ISX: variants seen among roughly 807,000 people sequenced by gnomAD.
The protein encoded by ISX is intestine-specific homeobox.
Under a neutral mutation model 16.9 loss-of-function variants are expected in ISX, and 15 were observed. The ratio of observed to expected loss-of-function variants is 0.89; its 90% CI spans 0.59 to 1.36. The LOEUF is 1.36. Among genes scored for constraint, ISX ranks in the 40% most tolerant of loss-of-function variants. The pLI, the probability that ISX is intolerant of heterozygous loss-of-function variation, is 0.00. For missense variants in ISX, 316 were observed against 306.1 expected, an observed-to-expected ratio of 1.03 and a Z score of -0.24; for synonymous variants, 125 against 119.7, an observed-to-expected ratio of 1.04 and a Z score of -0.29.
At chr22:35,077,253 C>A (rs1322693773) in intron 2 of ISX, among the ~76,000 whole-genome samples, 1 of 152,176 alleles carries the variant, frequency 6.6e-6, no homozygotes, top group African/African-American at 2.4e-5. Context: ...TGCTGAACTG[C>A]ATTCTACCTT....
chr22:35,077,360 C>T (rs573991644), intron 2 of ISX, among the ~76,000 whole-genome samples: 1 of 152,292 alleles, frequency 6.6e-6, no homozygotes, highest in East Asian at 1.9e-4. Context: ...GCTTTCCTGG[C>T]AACCCCTCAC....
At chr22:35,067,904 A>G (rs1349817168) in intron 2 of ISX, among the ~76,000 whole-genome samples, 1 of 152,176 alleles carries the variant, frequency 6.6e-6, no homozygotes, top group Non-Finnish European at 1.5e-5. Context: ...ACCTTCCCCA[A>G]GCCAGTGGCC....
In ISX at chr22:35,078,168, AT is replaced by A. The variant is rs5845208; in HGVS notation, c.230-4336del. Among the ~76,000 whole-genome samples the A allele has an allele frequency of 3.0e-3, 440 of 145,498 alleles. 2 individuals carry two copies. Among genetic ancestry groups the A allele is most frequent in the Admixed American group, 4.2e-3 (61 of 14,688 alleles). ...TCAACCTGGAATCTTCCCTTTTGTA[AT>A]TTTTTTTTTTTTTGCAGCTTCCTAC... On this transcript the variant is annotated intron_variant, in intron 2 of 4. Coordinates refer to ENST00000404699, the MANE Select transcript of ISX (RefSeq NM_001303508.2).
intron 2 of ISX, among the ~76,000 whole-genome samples, chr22:35,068,699 C>T (rs1276043400): frequency 3.9e-5 from 6 of 152,156 alleles, no homozygotes; most frequent in Non-Finnish European, 8.8e-5. Context: ...TAGGCCTCCA[C>T]GGAAGATTCT....
At chr22:35,079,596 A>G (rs1929074563) in intron 2 of ISX, among the ~76,000 whole-genome samples, 1 of 152,134 alleles carries the variant, frequency 6.6e-6, no homozygotes, top group Non-Finnish European at 1.5e-5. Flanking sequence ...GGAGGCTTAG[A>G]GTTCTCTGAG....
At chr22:35,079,569 C>T (rs1031236985) in intron 2 of ISX, among the ~76,000 whole-genome samples, 12 of 152,168 alleles carry the variant, frequency 7.9e-5, no homozygotes, top group African/African-American at 1.9e-4. Flanking sequence ...AGCAGACATA[C>T]GAGGCTCCCT....
Position 35,066,996 on chromosome 22 carries a change from C to T in ISX, c.-92C>T. On this transcript the variant is annotated 5_prime_UTR_variant, in exon 2 of 5. Transcript: ENST00000404699. ...GCTCTCTGTTCTTCACCTCCACGCG[C>T]CCTCTTGACCCCAGGAGGTTCAGGG... 1 of 875,162 alleles carries T rather than the reference C, an allele frequency of 1.1e-6. No individual in the cohort carries two copies. The highest frequency in any genetic ancestry group is 1.8e-6 in the Non-Finnish European group (1 of 556,258). The allele number at this position is 875,162 out of a possible 1,614,324, so 54.2% of individuals were successfully genotyped here. A position where few individuals can be genotyped will look rare whatever the true frequency, so the allele number is the denominator to read the frequency against.
chr22:35,080,529 C>T (rs997989917), intron 2 of ISX, among the ~76,000 whole-genome samples: 1 of 152,178 alleles, frequency 6.6e-6, no homozygotes, highest in African/African-American at 2.4e-5. Flanking sequence ...TCAATCTCAC[C>T]TGACAGCCTC....
At position 35,085,516 on chromosome 22, in the gene ISX, G is replaced by A. The variant is rs202084562; in HGVS notation, c.561G>A (p.Ser187=). Residue 187 remains serine (S), a synonymous_variant, in exon 5 of 5, where the codon TCG becomes TCA. Coordinates refer to ENST00000404699, the MANE Select transcript of ISX (RefSeq NM_001303508.2). ...RLAPPTSCCP[S]AQDQLASAWF... ...CTCCTCCCACGAGCTGTTGTCCATC[G>A]GCTCAAGATCAGCTGGCCTCTGCCT... 78 of 1,614,152 alleles carry A rather than the reference G, an allele frequency of 4.8e-5. 1 individual carries two copies. Among genetic ancestry groups the A allele is most frequent in the South Asian group, 3.2e-4 (29 of 91,090 alleles).
At chr22:35,082,419 G>A in intron 2 of ISX, 99 bp from the exon 3 acceptor site, 1 of 1,159,544 alleles carries the variant, frequency 8.6e-7, no homozygotes, top group Admixed American at 2.0e-5. Flanking sequence ...AGGCTCGGGA[G>A]CAGCAGTGGG....
At position 35,079,091 on chromosome 22, in the gene ISX, G is replaced by A. The variant is rs543043307; in HGVS notation, c.230-3427G>A. ...TCTACTATCCAATGACAGCAGGATC[G>A]ATCATAAGCACCAAGAAAGAAAACA... On this transcript the variant is annotated intron_variant, in intron 2 of 4. Transcript: ENST00000404699. 6.0e-4 allele frequency among the ~76,000 whole-genome samples: 92 copies of A among 152,306 alleles called. 1 individual carries two copies. Among genetic ancestry groups the A allele is most frequent in the Admixed American group, 2.0e-3 (31 of 15,304 alleles).
intron 2 of ISX, among the ~76,000 whole-genome samples, chr22:35,080,968 C>T (rs980783918): frequency 1.3e-5 from 2 of 152,200 alleles, no homozygotes; most frequent in African/African-American, 2.4e-5. Flanking sequence ...CAATCAAGGA[C>T]CGAGCCTTCA....
At chr22:35,071,121 A>T (rs959530670) in intron 2 of ISX, among the ~76,000 whole-genome samples, 1 of 152,028 alleles carries the variant, frequency 6.6e-6, no homozygotes, top group Non-Finnish European at 1.5e-5. Context: ...ACCTCCCATC[A>T]CACCCTCCCC....
intron 3 of ISX, among the ~76,000 whole-genome samples, 176 bp from the exon 4 acceptor site, chr22:35,084,207 C>A (rs1038961067): frequency 6.6e-6 from 1 of 152,264 alleles, no homozygotes; most frequent in African/African-American, 2.4e-5. Context: ...AAGGTGGAAA[C>A]CCCGGTTCCC....
At chr22:35,082,337 G>A (rs998644991) in intron 2 of ISX, among the ~76,000 whole-genome samples, 181 bp from the exon 3 acceptor site, 4 of 152,190 alleles carry the variant, frequency 2.6e-5, no homozygotes, top group African/African-American at 9.7e-5. Flanking sequence ...GGTGGGTGAG[G>A]GTCGGTCTAG....
intron 2 of ISX, among the ~76,000 whole-genome samples, chr22:35,068,516 C>G (rs1172663841): frequency 1.3e-5 from 2 of 152,212 alleles, no homozygotes; most frequent in African/African-American, 4.8e-5. Context: ...ATCTTCCAGT[C>G]CATTAAAGAT....
intron 3 of ISX, 36 bp downstream of exon 3, chr22:35,082,705 G>T: frequency 6.2e-7 from 1 of 1,610,594 alleles, no homozygotes; most frequent in Non-Finnish European, 8.5e-7. Context: ...CAGCCTCCAT[G>T]CCCTTGGGAC....
intron 2 of ISX, among the ~76,000 whole-genome samples, chr22:35,081,226 T>C (rs376860113): frequency 3.3e-5 from 5 of 152,178 alleles, no homozygotes; most frequent in East Asian, 3.8e-4. Context: ...ACCGAGGTGA[T>C]TGTCTTAGAA....
intron 2 of ISX, among the ~76,000 whole-genome samples, chr22:35,077,130 A>G (rs1195714381): frequency 2.0e-5 from 3 of 152,170 alleles, no homozygotes; most frequent in Non-Finnish European, 4.4e-5. Flanking sequence ...GGGACCCAGA[A>G]CACCCTGGTT....
Sources: allele counts gnomAD v4.1 joint callset (sites outside exome capture counted in the v4.1 genomes callset), GRCh38; gene constraint gnomAD v4.1.1; transcripts MANE v1.5; gene names NCBI Gene and HGNC (gene_info 2026-07-23, HGNC 2026-07-21).